Variants in KIF18A observed in about 807,000 individuals in gnomAD.
KIF18A encodes kinesin-like protein KIF18A.
In KIF18A, 67 loss-of-function variants were observed where a neutral mutation model predicts 103.3. The observed-to-expected ratio is 0.65, with a 90% confidence interval of 0.53 to 0.79. The LOEUF (loss-of-function observed/expected upper bound fraction) is 0.79, where lower values mean the gene tolerates loss of function less well. Ranked by LOEUF, KIF18A falls within the 30% of genes least tolerant of loss-of-function variation. The pLI, the probability that KIF18A is intolerant of heterozygous loss-of-function variation, is 0.00. For synonymous variants in KIF18A, 367 were observed against 355.5 expected (o/e 1.03, Z -0.36); for missense variants, 1,032 against 1,062.5 (o/e 0.97, Z 0.40).
At chr11:28,023,409 C>T (rs906032205) in intron 16 of KIF18A, among the ~76,000 whole-genome samples, 1 of 152,136 alleles carries the variant, frequency 6.6e-6, no homozygotes, top group Non-Finnish European at 1.5e-5. Context: ...GCAAAATACA[C>T]TTAATTAGTA....
At chr11:28,023,609 T>C (rs773462468) in intron 16 of KIF18A, 132 bp downstream of exon 16, 19 of 480,590 alleles carry the variant, frequency 4.0e-5, no homozygotes, top group Non-Finnish European at 6.4e-5. Context: ...TGGATAATCA[T>C]ACTTGTTCTA....
At chr11:28,055,839 A>T (rs1850773770) in intron 13 of KIF18A, among the ~76,000 whole-genome samples, 1 of 152,214 alleles carries the variant, frequency 6.6e-6, no homozygotes, top group Admixed American at 6.5e-5. Flanking sequence ...ACCACATGCA[A>T]GAAAATCAGT....
At chr11:28,085,003 T>A (rs1218488716) in intron 6 of KIF18A, among the ~76,000 whole-genome samples, 195 bp from the exon 7 acceptor site, 3 of 152,166 alleles carry the variant, frequency 2.0e-5, no homozygotes, top group African/African-American at 7.2e-5. Context: ...ATAGAGATGA[T>A]CATGGACAAT....
chr11:28,083,312 C>A (rs1748231454), intron 7 of KIF18A, 69 bp from the exon 8 acceptor site: 1 of 1,431,194 alleles, frequency 7.0e-7, no homozygotes. Flanking sequence ...ACATGAATAA[C>A]ATGACATTGC....
intron 13 of KIF18A, 74 bp from the exon 14 acceptor site, chr11:28,036,738 C>G (rs1850498283): frequency 1.2e-6 from 1 of 813,120 alleles, no homozygotes; most frequent in Non-Finnish European, 1.8e-6. Flanking sequence ...ACTTTTAAAA[C>G]TAAGAAACCC....
At chr11:28,045,364 G>A (rs1850618127) in intron 13 of KIF18A, among the ~76,000 whole-genome samples, 1 of 150,498 alleles carries the variant, frequency 6.6e-6, no homozygotes, top group Non-Finnish European at 1.5e-5. Context: ...TTTGGCTGAG[G>A]ACTGTGAAAC....
chr11:28,040,135 AATT>A (rs1273977990), intron 13 of KIF18A, among the ~76,000 whole-genome samples: 3 of 151,844 alleles, frequency 2.0e-5, no homozygotes, highest in African/African-American at 7.2e-5. Context: ...CTCTGAATAC[AATT>A]TTTATAATAT....
At chr11:28,041,954 C>T (rs1850566207) in intron 13 of KIF18A, among the ~76,000 whole-genome samples, 1 of 151,164 alleles carries the variant, frequency 6.6e-6, no homozygotes, top group South Asian at 2.1e-4. Flanking sequence ...TTTTTGACAT[C>T]CCCTTCCCTC....
intron 15 of KIF18A, among the ~76,000 whole-genome samples, chr11:28,024,644 T>C (rs906335967): frequency 6.6e-6 from 1 of 152,080 alleles, no homozygotes; most frequent in Non-Finnish European, 1.5e-5. Context: ...TATAGATTCT[T>C]GAGTGTAGAG....
chr11:28,086,975 T>A (rs1379567136), intron 6 of KIF18A, among the ~76,000 whole-genome samples: 11 of 152,128 alleles, frequency 7.2e-5, no homozygotes. Flanking sequence ...ATTTGCCTTT[T>A]TTTAAAAAAA....
intron 12 of KIF18A, among the ~76,000 whole-genome samples, chr11:28,059,803 GCTA>G (rs919920204): frequency 3.3e-5 from 5 of 152,116 alleles, no homozygotes; most frequent in African/African-American, 1.2e-4. Context: ...TGTTGTTACT[GCTA>G]CTAATTATCA....
intron 10 of KIF18A, among the ~76,000 whole-genome samples, chr11:28,076,202 T>C (rs1851089244): frequency 6.6e-6 from 1 of 152,066 alleles, no homozygotes; most frequent in African/African-American, 2.4e-5. Context: ...AGTATATTAT[T>C]GTATTAAAAA....
intron 11 of KIF18A, among the ~76,000 whole-genome samples, chr11:28,065,142 T>C (rs1046307942): frequency 6.6e-6 from 1 of 151,968 alleles, no homozygotes; most frequent in African/African-American, 2.4e-5. Context: ...TTCAGAATAT[T>C]GAAGAGTAAA....
intron 15 of KIF18A, among the ~76,000 whole-genome samples, chr11:28,025,347 A>G (rs1405571690): frequency 1.3e-5 from 2 of 152,056 alleles, no homozygotes; most frequent in Non-Finnish European, 2.9e-5. Context: ...CCAAGGCAGA[A>G]ATTCTTTTTT....
Position 28,023,783 on chromosome 11 carries a change from T to C in KIF18A, c.2572A>G (p.Asn858Asp). 1.2e-6 allele frequency: 2 copies of C among 1,613,140 alleles called. No individual in the cohort carries two copies. Among genetic ancestry groups the C allele is most frequent in the Non-Finnish European group, 1.7e-6 (2 of 1,179,260 alleles). ...SGFAKRVRQD[N>D]SSEKHLQENK... is the part of the protein sequence containing the mutation. ...TCTTGTAAGTGCTTCTCACTTGAATTATCTTGTCGAACACGTTTGGCAAAT... is the reference window on the plus strand; with the variant it reads ...TCTTGTAAGTGCTTCTCACTTGAATCATCTTGTCGAACACGTTTGGCAAAT... The change falls in exon 16 of 17, where the codon AAT (asparagine) becomes GAT (aspartate). Residue 858 changes from asparagine to aspartate, a missense_variant. Transcript: ENST00000263181.
chr11:28,023,825 C>T lies in KIF18A; in HGVS notation c.2530G>A (p.Ala844Thr). The part of the protein sequence containing the change: ...TSSTSNSSLT[A>T]DVNSGFAKRV... The stretch of plus-strand genomic sequence containing the variant: ...TTGGCAAATCCAGAATTTACGTCTG[C>T]AGTTAACGAACTGTTTGATGTAGAA... Residue 844 changes from alanine to threonine, a missense_variant, in exon 16 of 17, where the codon GCA becomes ACA. By Grantham distance (58) the Ala-to-Thr change is moderately conservative. Coordinates refer to ENST00000263181, the MANE Select transcript of KIF18A (RefSeq NM_031217.4). The T allele has an allele frequency of 6.2e-7, 1 of 1,611,776 alleles. No homozygotes were observed. The highest frequency in any genetic ancestry group is 8.5e-7 in the Non-Finnish European group (1 of 1,178,334).
chr11:28,076,356 A>G (rs1851091025), intron 10 of KIF18A: 1 of 152,190 alleles, frequency 6.6e-6, no homozygotes. Flanking sequence ...TGCATCCAGG[A>G]TAGACTGCTT....
At chr11:28,034,682 C>A (rs1460817192) in intron 15 of KIF18A, among the ~76,000 whole-genome samples, 1 of 151,772 alleles carries the variant, frequency 6.6e-6, no homozygotes, top group African/African-American at 2.4e-5. Flanking sequence ...GTTTCCCTAG[C>A]TCAGAGTAAG....
chr11:28,026,489 C>T (rs1047190520), intron 15 of KIF18A, among the ~76,000 whole-genome samples: 1 of 151,684 alleles, frequency 6.6e-6, no homozygotes, highest in East Asian at 1.9e-4. Flanking sequence ...GATCTAATTA[C>T]TGGTACCAGA....
Sources: gnomAD v4.1 joint callset for allele counts (sites outside exome capture counted in the v4.1 genomes callset) on GRCh38, gnomAD v4.1.1 for gene constraint, MANE v1.5 for transcripts, NCBI Gene and HGNC (gene_info 2026-07-23, HGNC 2026-07-21) for gene names.